Variants in BACH2 observed in about 807,000 individuals in gnomAD.
The protein encoded by BACH2 is BACH transcriptional regulator 2, also known as transcription regulator protein BACH2.
In BACH2, 5 loss-of-function variants were observed where a neutral mutation model predicts 61.8. The ratio of observed to expected loss-of-function variants is 0.08; its 90% confidence interval spans 0.04 to 0.17. The LOEUF (loss-of-function observed/expected upper bound fraction) is 0.17. Among genes scored for constraint, BACH2 ranks in the 10% least tolerant of loss-of-function variants. The pLI, the probability that BACH2 is intolerant of heterozygous loss-of-function variation, is 1.00. For missense variants in BACH2, 824 were observed against 1,091.1 expected (o/e 0.76, Z 3.45); for synonymous variants, 446 against 440.1 (o/e 1.01, Z -0.17).
rs186203637 is a variant in BACH2, at chr6:90,100,640, G to A, written c.-161-11531C>T. On this transcript the variant is annotated intron_variant, in intron 4 of 8. Transcript: ENST00000257749. ...TGAACTTGCTAGTCTCCTCAATCAT[G>A]TAAGCCAATTCTTTAAAATAAATCT... 2.0e-3 allele frequency among the ~76,000 whole-genome samples: 298 copies of A among 150,786 alleles called. 1 individual carries two copies. Among genetic ancestry groups the A allele is most frequent in the Non-Finnish European group, 1.2e-3 (78 of 67,808 alleles).
chr6:89,951,194 C>T lies in BACH2; in HGVS notation c.912G>A (p.Ala304=), dbSNP rs775708693. ...SGDEPDAKDR[A]GDVEMDRKQP... ...GTTTCCGGTCCATCTCGACATCCCC[C>T]GCTCTGTCCTTGGCGTCAGGCTCAT... Residue 304 remains alanine, a synonymous_variant, in exon 7 of 9, where the codon GCG becomes GCA. Transcript: ENST00000257749. The surrounding 1 kb of genome is among the most constrained non-coding windows in gnomAD (Gnocchi z 6.4). The T allele has an allele frequency of 4.1e-5, 66 of 1,613,786 alleles. 1 individual carries two copies. In the Admixed American group the frequency reaches 6.0e-4, roughly 15 times the overall value.
At chr6:89,990,657 G>A (rs1047636176) in intron 6 of BACH2, among the ~76,000 whole-genome samples, 1 of 151,656 alleles carries the variant, frequency 6.6e-6, no homozygotes, top group Non-Finnish European at 1.5e-5. Flanking sequence ...CCAACCTCTG[G>A]TCCATGTTCG....
intron 4 of BACH2, among the ~76,000 whole-genome samples, chr6:90,106,106 G>C (rs181929773): frequency 6.6e-6 from 1 of 152,268 alleles, no homozygotes; most frequent in African/African-American, 2.4e-5. Context: ...CTAAGAAAGG[G>C]CCTTTTCATA....
intron 4 of BACH2, among the ~76,000 whole-genome samples, chr6:90,120,554 T>C (rs1783579215): frequency 1.3e-5 from 2 of 152,192 alleles, no homozygotes; most frequent in South Asian, 2.1e-4. Context: ...TCTTGAGACT[T>C]GTCATGATCT....
intron 5 of BACH2, among the ~76,000 whole-genome samples, chr6:90,062,318 GC>G (rs1033628170): frequency 6.6e-6 from 1 of 152,182 alleles, no homozygotes; most frequent in Non-Finnish European, 1.5e-5. Context: ...TGTCACAACG[GC>G]TAGTGGTAGA....
chr6:89,970,028 ACCAC>A (rs1206012840), intron 6 of BACH2, among the ~76,000 whole-genome samples: 1 of 152,234 alleles, frequency 6.6e-6, no homozygotes, highest in African/African-American at 2.4e-5. Context: ...AGTAGGAAAG[ACCAC>A]AGAGTTAGCA....
At chr6:90,046,900 C>A (rs1029752138) in intron 5 of BACH2, among the ~76,000 whole-genome samples, 5 of 151,398 alleles carry the variant, frequency 3.3e-5, no homozygotes, top group Non-Finnish European at 7.4e-5. Flanking sequence ...AGAGGCCAAG[C>A]CCAGGCCAAT....
intron 3 of BACH2, among the ~76,000 whole-genome samples, chr6:90,227,523 C>T (rs961001392): frequency 1.3e-5 from 2 of 152,210 alleles, no homozygotes; most frequent in African/African-American, 4.8e-5. Flanking sequence ...ACAGTGACAG[C>T]CCCCTGCCTG....
chr6:90,285,945 C>T (rs912627806), intron 1 of BACH2, among the ~76,000 whole-genome samples: 17 of 152,198 alleles, frequency 1.1e-4, no homozygotes, highest in Admixed American at 9.2e-4. Context: ...AACCTCTCTA[C>T]GCTTGCAGTT....
At chr6:90,031,759 C>T (rs1207394857) in intron 5 of BACH2, among the ~76,000 whole-genome samples, 1 of 152,146 alleles carries the variant, frequency 6.6e-6, no homozygotes, top group Non-Finnish European at 1.5e-5. Flanking sequence ...GAATCAATAT[C>T]ATGAAAATGG....
intron 2 of BACH2, among the ~76,000 whole-genome samples, chr6:90,258,520 T>A (rs1041711658): frequency 6.6e-6 from 1 of 152,220 alleles, no homozygotes; most frequent in African/African-American, 2.4e-5. Context: ...TTTGTTTTGC[T>A]TTTTCATAAT....
intron 3 of BACH2, among the ~76,000 whole-genome samples, chr6:90,234,998 G>A (rs1371811598): frequency 6.6e-6 from 1 of 152,066 alleles, no homozygotes; most frequent in East Asian, 1.9e-4. Flanking sequence ...TACCAACTGG[G>A]GCACCCATCA....
Position 90,270,819 on chromosome 6 carries a change from TC to T in BACH2, c.-353+1029del, listed in dbSNP as rs1270322007. 2.0e-5 allele frequency among the ~76,000 whole-genome samples: 3 copies of T among 152,220 alleles called. No individual in the cohort carries two copies. In the East Asian group the frequency reaches 5.8e-4, roughly 29 times the overall value. ...TCTGGAGGCATCACATTGCCCAATT[TC>T]CAACTATACTACAAGGCTATAGTTG... On this transcript the variant is annotated intron_variant, in intron 2 of 8. Transcript: ENST00000257749.
intron 4 of BACH2, among the ~76,000 whole-genome samples, chr6:90,103,029 A>ATATATATATATTTTT: frequency 1.4e-4 from 3 of 21,164 alleles, no homozygotes; most frequent in African/African-American, 2.4e-4. Flanking sequence ...ATATATATAT[A>ATATATATATATTTTT]TTTTTTTTTT....
At chr6:90,007,830 A>G (rs550013062) in intron 6 of BACH2, among the ~76,000 whole-genome samples, 79 of 152,356 alleles carry the variant, frequency 5.2e-4, no homozygotes, top group African/African-American at 1.9e-3. Context: ...GGTGGTACAC[A>G]GGGAATGATT....
At chr6:90,247,988 T>C (rs1400522188) in intron 3 of BACH2, among the ~76,000 whole-genome samples, 2 of 152,246 alleles carry the variant, frequency 1.3e-5, no homozygotes, top group Non-Finnish European at 2.9e-5. Flanking sequence ...AAGTGTCTTC[T>C]AGCTTAGAGT....
chr6:89,976,520 T>C (rs753375056), intron 6 of BACH2, among the ~76,000 whole-genome samples: 6 of 152,208 alleles, frequency 3.9e-5, no homozygotes, highest in Non-Finnish European at 7.3e-5. Context: ...CAATTGTGTG[T>C]GTGGGCAGGA....
chr6:90,100,853 G>C (rs207254), intron 4 of BACH2, among the ~76,000 whole-genome samples: 80,070 of 151,958 alleles, frequency 0.53, 21,675 homozygotes, highest in African/African-American at 0.61. Flanking sequence ...AATGGCTGTA[G>C]CAGGACAATC....
chr6:90,042,161 A>G (rs1296689553), intron 5 of BACH2, among the ~76,000 whole-genome samples: 4 of 152,124 alleles, frequency 2.6e-5, no homozygotes, highest in Non-Finnish European at 4.4e-5. Flanking sequence ...GGAACCCAGC[A>G]GTAAGTCTGT....
Sources: allele counts gnomAD v4.1 joint callset (sites outside exome capture counted in the v4.1 genomes callset), GRCh38; gene constraint gnomAD v4.1.1; non-coding constraint Gnocchi (gnomAD v3.1); transcripts MANE v1.5; gene names NCBI Gene and HGNC (gene_info 2026-07-23, HGNC 2026-07-21).